TUSC3: variants seen among roughly 807,000 people sequenced by gnomAD.
TUSC3 encodes dolichyl-diphosphooligosaccharide--protein glycosyltransferase subunit TUSC3.
TUSC3 carries 45 observed loss-of-function variants against 44.8 expected under a neutral mutation model. That is an observed-to-expected ratio of 1.00 (90% confidence interval 0.79 to 1.29). The LOEUF (loss-of-function observed/expected upper bound fraction) is 1.29. Among genes scored for constraint, TUSC3 ranks in the 50% most tolerant of loss-of-function variants. The pLI is 0.00. For missense variants in TUSC3, 519 were observed against 437.9 expected (o/e 1.19, Z -1.65); for synonymous variants, 212 against 152.9 (o/e 1.39, Z -2.85).
intron 1 of TUSC3, among the ~76,000 whole-genome samples, chr8:15,559,434 A>G (rs1227212537): frequency 2.3e-4 from 34 of 147,910 alleles, no homozygotes; most frequent in South Asian, 2.2e-4. Context: ...TATGTGGTCA[A>G]TTTTGGAATA....
chr8:15,756,157 A>T (rs939194994), intron 9 of TUSC3, among the ~76,000 whole-genome samples: 1 of 152,194 alleles, frequency 6.6e-6, no homozygotes, highest in Admixed American at 6.5e-5. Flanking sequence ...CTAGAGCTCT[A>T]GCTCTGCATT....
At chr8:15,833,999 TAC>T in the TUSC3 span, among the ~76,000 whole-genome samples, 4 of 152,168 alleles carry the variant, frequency 2.6e-5, no homozygotes, top group Admixed American at 6.6e-5. Context: ...AATTTATTTC[TAC>T]ACATTCTTTT....
chr8:15,741,044 A>C (rs949250071), intron 7 of TUSC3, among the ~76,000 whole-genome samples: 2 of 152,206 alleles, frequency 1.3e-5, no homozygotes, highest in Non-Finnish European at 2.9e-5. Flanking sequence ...AATGATATGA[A>C]GATACATTTA....
chr8:15,591,271 A>C (rs1456956717), intron 1 of TUSC3, among the ~76,000 whole-genome samples: 1 of 152,066 alleles, frequency 6.6e-6, no homozygotes, highest in Non-Finnish European at 1.5e-5. Flanking sequence ...ATAGTTTTTC[A>C]ATTTTTAAAG....
chr8:15,427,213 G>T (rs1186357203), intron 1 of TUSC3, among the ~76,000 whole-genome samples: 1 of 133,026 alleles, frequency 7.5e-6, no homozygotes, highest in African/African-American at 2.7e-5. Flanking sequence ...TTGTCTAACG[G>T]TGCAGAAGGT....
At chr8:15,424,803 C>T (rs575929074) in intron 1 of TUSC3, among the ~76,000 whole-genome samples, 5 of 151,698 alleles carry the variant, frequency 3.3e-5, no homozygotes, top group Non-Finnish European at 5.9e-5. Context: ...TCACTTGAAC[C>T]GGGAGGCAGA....
chr8:15,549,400 C>A (rs1012791170), intron 1 of TUSC3, among the ~76,000 whole-genome samples: 3 of 151,554 alleles, frequency 2.0e-5, no homozygotes, highest in Non-Finnish European at 4.4e-5. Flanking sequence ...TCTCAAACTC[C>A]TGACCTCGTG....
At chr8:15,440,854 C>A (rs894256778) in intron 1 of TUSC3, among the ~76,000 whole-genome samples, 8 of 152,102 alleles carry the variant, frequency 5.3e-5, no homozygotes. Context: ...GTTGGAGATG[C>A]TAGCAACTGC....
chr8:15,694,110 C>G (rs1403504933), intron 6 of TUSC3, among the ~76,000 whole-genome samples: 2 of 152,002 alleles, frequency 1.3e-5, no homozygotes, highest in East Asian at 3.9e-4. Context: ...TCGTTTTTAT[C>G]CATATTCCAT....
chr8:15,811,476 G>A, the TUSC3 span, among the ~76,000 whole-genome samples: 1 of 152,142 alleles, frequency 6.6e-6, no homozygotes, highest in Non-Finnish European at 1.5e-5. Flanking sequence ...ACATTTCACT[G>A]ACCAGAAATC....
intron 1 of TUSC3, among the ~76,000 whole-genome samples, chr8:15,579,217 A>G (rs1218437480): frequency 2.9e-5 from 4 of 139,536 alleles, no homozygotes; most frequent in Non-Finnish European, 6.3e-5. Flanking sequence ...TTTTTTCTTT[A>G]TTAGTCTTGC....
upstream of TUSC3, among the ~76,000 whole-genome samples, chr8:15,536,155 T>C (rs568496999): frequency 2.6e-4 from 40 of 152,142 alleles, no homozygotes; most frequent in South Asian, 8.3e-3. Context: ...CAGTACAAAG[T>C]GTAGAGACAG....
intron 1 of TUSC3, among the ~76,000 whole-genome samples, chr8:15,609,096 G>A (rs1051084068): frequency 2.2e-4 from 34 of 152,140 alleles, no homozygotes; most frequent in Admixed American, 1.4e-3. Context: ...CGATGTAAGC[G>A]TTACATATTT....
chr8:15,443,843 C>T (rs1177098724), intron 1 of TUSC3, among the ~76,000 whole-genome samples: 2 of 152,140 alleles, frequency 1.3e-5, no homozygotes, highest in African/African-American at 4.8e-5. Flanking sequence ...TTAGCTGGCA[C>T]CACCCAGACG....
intron 6 of TUSC3, among the ~76,000 whole-genome samples, chr8:15,679,176 C>T (rs924021377): frequency 1.3e-5 from 2 of 152,118 alleles, no homozygotes; most frequent in Non-Finnish European, 2.9e-5. Flanking sequence ...CTTGAAAAAT[C>T]TCCAAAGTAC....
At chr8:15,603,027 C>T (rs572774086) in intron 1 of TUSC3, among the ~76,000 whole-genome samples, 90 of 151,346 alleles carry the variant, frequency 5.9e-4, no homozygotes, top group African/African-American at 2.1e-3. Context: ...TTCAATTGGA[C>T]CACAGTAAAA....
intron 2 of TUSC3, among the ~76,000 whole-genome samples, chr8:15,632,745 C>G (rs753693333): frequency 2.9e-4 from 44 of 152,160 alleles, no homozygotes; most frequent in Non-Finnish European, 5.7e-4. Context: ...ACCTCACTTA[C>G]CTTTTGTTTT....
intron 1 of TUSC3, among the ~76,000 whole-genome samples, chr8:15,575,653 G>C (rs1000912374): frequency 6.6e-6 from 1 of 152,046 alleles, no homozygotes; most frequent in Non-Finnish European, 1.5e-5. Flanking sequence ...TATAATGCCA[G>C]GTACTCCGGA....
the TUSC3 span, among the ~76,000 whole-genome samples, chr8:15,791,456 G>A: frequency 6.6e-6 from 1 of 152,142 alleles, no homozygotes; most frequent in Non-Finnish European, 1.5e-5. Flanking sequence ...ATCTGAATGT[G>A]TGGTTTACAT....
Sources: allele counts gnomAD v4.1 joint callset (sites outside exome capture counted in the v4.1 genomes callset), GRCh38; gene constraint gnomAD v4.1.1; transcripts MANE v1.5; gene names NCBI Gene and HGNC (gene_info 2026-07-23, HGNC 2026-07-21).